Variants in LGALS8 observed in about 807,000 individuals in gnomAD.
The protein encoded by LGALS8 is galectin 8.
A neutral mutation model predicts 35.9 loss-of-function variants in LGALS8; 30 were observed. The observed-to-expected ratio is 0.83, with a 90% CI of 0.62 to 1.13. The LOEUF is 1.13. Ranked by LOEUF, LGALS8 falls within the 50% of genes most tolerant of loss-of-function variation. The pLI, the probability that LGALS8 is intolerant of heterozygous loss-of-function variation, is 0.00. For missense variants in LGALS8, 366 were observed against 388.7 expected (o/e 0.94, Z 0.49); for synonymous variants, 138 against 136.1 (o/e 1.01, Z -0.10).
chr1:236,519,897 A>T (rs1045725804), upstream of LGALS8, among the ~76,000 whole-genome samples: 7 of 151,300 alleles, frequency 4.6e-5, no homozygotes, highest in African/African-American at 1.5e-4. Context: ...GCATTTTTTT[A>T]AAATGAAAAA....
At chr1:236,519,790 C>T (rs2103057240), upstream of LGALS8, among the ~76,000 whole-genome samples, 1 of 152,252 alleles carries the variant, frequency 6.6e-6, no homozygotes, top group South Asian at 2.1e-4. Flanking sequence ...TGTCACAAGC[C>T]AGTATGAGCT....
chr1:236,543,236 G>A lies in LGALS8; in HGVS notation c.550-324G>A, dbSNP rs1662131288. 1.7e-5 allele frequency: 11 copies of A among 634,210 alleles called. No homozygotes were observed. In the East Asian group the frequency reaches 2.7e-4, roughly 16 times the overall value. 39.3% of individuals were successfully genotyped at this position (634,210 alleles called of 1,614,324 possible). On this transcript the variant is annotated intron_variant, in intron 7 of 9. Transcript: ENST00000366584. The stretch of plus-strand genomic sequence containing the variant: ...TATTTCCTCAGCACCTCCCTGCTTG[G>A]CTGCTTCCCCTTCAGGCAGAACACA...
At chr1:236,537,033 T>TTTTTTTTTTTTTTTTTTG in intron 2 of LGALS8, among the ~76,000 whole-genome samples, 1 of 149,542 alleles carries the variant, frequency 6.7e-6, no homozygotes, top group African/African-American at 2.5e-5. Context: ...TTTTTTTTTT[T>TTTTTTTTTTTTTTTTTTG]TGAGACGGAG....
upstream of LGALS8, among the ~76,000 whole-genome samples, chr1:236,518,706 T>C (rs143622596): frequency 7.6e-3 from 1,155 of 152,328 alleles, 16 homozygotes; most frequent in African/African-American, 0.026. Context: ...TTCTGGTTTC[T>C]AAATTCACAG....
At chr1:236,533,311 T>G (rs975750128) in intron 2 of LGALS8, among the ~76,000 whole-genome samples, 2 of 151,738 alleles carry the variant, frequency 1.3e-5, no homozygotes, top group East Asian at 3.9e-4. Context: ...GAAGCATTTC[T>G]TTGACTCTTC....
At chr1:236,537,967 T>C (rs1252301656) in intron 3 of LGALS8, among the ~76,000 whole-genome samples, 1 of 147,694 alleles carries the variant, frequency 6.8e-6, no homozygotes, top group Non-Finnish European at 1.5e-5. Context: ...TTAACTGGCT[T>C]GGTGGTGTGC....
intron 9 of LGALS8, among the ~76,000 whole-genome samples, chr1:236,546,755 T>C (rs1343121631): frequency 2.6e-5 from 4 of 152,262 alleles, no homozygotes; most frequent in East Asian, 3.8e-4. Context: ...CAACTTGGTT[T>C]TCCTTCTGAG....
upstream of LGALS8, among the ~76,000 whole-genome samples, chr1:236,519,948 ATTTTTTTTTTTTT>A (rs35589317): frequency 9.1e-6 from 1 of 109,442 alleles, no homozygotes; most frequent in Non-Finnish European, 1.8e-5. Flanking sequence ...GTTTTGTACA[ATTTTTTTTTTTTT>A]TTTTTTTTTT....
chr1:236,522,749 G>GACAGCT (rs1660591268), upstream of LGALS8, among the ~76,000 whole-genome samples: 1 of 152,154 alleles, frequency 6.6e-6, no homozygotes, highest in African/African-American at 2.4e-5. Flanking sequence ...CATACCAAAA[G>GACAGCT]ACAGCTATAA....
At chr1:236,539,426 G>T (rs1344654519) in intron 4 of LGALS8, among the ~76,000 whole-genome samples, 2 of 152,180 alleles carry the variant, frequency 1.3e-5, no homozygotes, top group Non-Finnish European at 2.9e-5. Flanking sequence ...ACCACCCGAA[G>T]AGCTAACAAG....
chr1:236,545,723 G>C (rs1417483050), intron 9 of LGALS8, among the ~76,000 whole-genome samples: 1 of 152,186 alleles, frequency 6.6e-6, no homozygotes, highest in South Asian at 2.1e-4. Flanking sequence ...CTAATGCAGT[G>C]CCCTGGTATG....
intron 5 of LGALS8, 178 bp from the exon 6 acceptor site, chr1:236,541,474 CTG>C (rs1353120060): frequency 2.0e-6 from 1 of 490,982 alleles, no homozygotes; most frequent in African/African-American, 2.0e-5. Context: ...ATCTTATTCT[CTG>C]TAATGTTTGC....
At chr1:236,546,232 T>C (rs1029947903) in intron 9 of LGALS8, among the ~76,000 whole-genome samples, 1 of 152,224 alleles carries the variant, frequency 6.6e-6, no homozygotes, top group Admixed American at 6.5e-5. Flanking sequence ...AAGGAATGAA[T>C]AGATGAATGT....
upstream of LGALS8, among the ~76,000 whole-genome samples, chr1:236,521,495 G>A (rs142800518): frequency 4.6e-3 from 701 of 152,274 alleles, no homozygotes; most frequent in Non-Finnish European, 7.9e-3. Flanking sequence ...GGAAGTGCTC[G>A]TGTAAGAACT....
intron 2 of LGALS8, among the ~76,000 whole-genome samples, chr1:236,532,801 G>C (rs1013520250): frequency 1.4e-4 from 22 of 152,148 alleles, no homozygotes; most frequent in Admixed American, 6.5e-5. Context: ...CCGAGATCAC[G>C]CCATTGCACT....
Position 236,540,577 on chromosome 1 carries a change from G to A in LGALS8, c.359G>A (p.Gly120Glu), listed in dbSNP as rs950420663. The A allele has an allele frequency of 1.2e-6, 2 of 1,605,046 alleles. No homozygotes were observed. The highest frequency in any genetic ancestry group is 2.7e-5 in the African/African-American group (2 of 74,426). ...LKDKFQVAVN[G>E]KHTLLYGHRI... ...GTATCTCTCTAGGTGGCTGTAAATG[G>A]AAAACATACTCTGCTCTATGGCCAC... The change falls in exon 5 of 10, where the codon GGA becomes GAA. Residue 120 changes from glycine (G) to glutamate (E), a missense_variant. Coordinates refer to ENST00000366584, the MANE Select transcript of LGALS8 (RefSeq NM_201544.4).
chr1:236,546,064 T>G (rs1001788632), intron 9 of LGALS8, among the ~76,000 whole-genome samples: 1 of 152,160 alleles, frequency 6.6e-6, no homozygotes, highest in Non-Finnish European at 1.5e-5. Context: ...ATCTGCTATA[T>G]TAATATAAAA....
intron 4 of LGALS8, 31 bp from the exon 5 acceptor site, chr1:236,540,533 G>T (rs556921531): frequency 4.5e-5 from 8 of 179,594 alleles, no homozygotes; most frequent in Non-Finnish European, 6.7e-5. Context: ...TTTTGGTGGC[G>T]GGGGGGGCTC....
At chr1:236,521,378 G>C (rs1423191138), upstream of LGALS8, among the ~76,000 whole-genome samples, 1 of 152,172 alleles carries the variant, frequency 6.6e-6, no homozygotes, top group Non-Finnish European at 1.5e-5. Flanking sequence ...ATGGGAGTGT[G>C]ACAGGCCTGC....
Sources: gnomAD v4.1 joint callset for allele counts (sites outside exome capture counted in the v4.1 genomes callset) on GRCh38, gnomAD v4.1.1 for gene constraint, MANE v1.5 for transcripts, NCBI Gene and HGNC (gene_info 2026-07-23, HGNC 2026-07-21) for gene names.